JMJD1C: variants seen among roughly 807,000 people sequenced by gnomAD.
JMJD1C encodes jumonji domain containing 1C, also known as jumonji domain-containing protein 1C.
JMJD1C carries 31 observed loss-of-function variants against 245.3 expected under a neutral mutation model. That is an observed-to-expected ratio of 0.13 (90% CI 0.09 to 0.17). The LOEUF is 0.17. Ranked by LOEUF, JMJD1C falls within the 10% of genes least tolerant of loss-of-function variation. The pLI is 1.00. For synonymous variants in JMJD1C, 1,057 were observed against 1,017.4 expected, an observed-to-expected ratio of 1.04 and a Z score of -0.74; for missense variants, 2,691 against 3,000.2, an observed-to-expected ratio of 0.90 and a Z score of 2.41.
chr10:63,342,497 T>C (rs1266707179), intron 2 of JMJD1C, among the ~76,000 whole-genome samples: 1 of 152,230 alleles, frequency 6.6e-6, no homozygotes, highest in African/African-American at 2.4e-5. Context: ...CCTCAAATGC[T>C]TCTAAGCTTT....
intron 1 of JMJD1C, among the ~76,000 whole-genome samples, chr10:63,476,700 G>C (rs1005719606): frequency 6.6e-6 from 1 of 152,156 alleles, no homozygotes; most frequent in African/African-American, 2.4e-5. Context: ...CTGCACTCCA[G>C]CCTGGATGAC....
chr10:63,498,445 T>C (rs1391804654), intron 1 of JMJD1C, among the ~76,000 whole-genome samples: 1 of 152,180 alleles, frequency 6.6e-6, no homozygotes, highest in African/African-American at 2.4e-5. Context: ...ATTTTCCACT[T>C]CCAAAACATG....
At chr10:63,226,774 C>A (rs1407714805) in intron 3 of JMJD1C, among the ~76,000 whole-genome samples, 1 of 136,454 alleles carries the variant, frequency 7.3e-6, no homozygotes, top group Admixed American at 7.3e-5. Context: ...AGGCTGAAAT[C>A]AGGCCGGGTG....
intron 10 of JMJD1C, among the ~76,000 whole-genome samples, chr10:63,202,070 T>C (rs1013697857): frequency 6.6e-6 from 1 of 151,298 alleles, no homozygotes; most frequent in African/African-American, 2.4e-5. Context: ...GTCTGGCCAA[T>C]AGGTGAAACC....
At chr10:63,191,485 G>A (rs1253291641) in intron 16 of JMJD1C, among the ~76,000 whole-genome samples, 2 of 152,030 alleles carry the variant, frequency 1.3e-5, no homozygotes, top group Non-Finnish European at 2.9e-5. Flanking sequence ...GACAAAACTG[G>A]CCCCAGCATT....
rs571006929 is a variant in JMJD1C at position 63,352,952 on chromosome 10, T to C, written c.333+27366A>G. Among the ~76,000 whole-genome samples the C allele has an allele frequency of 2.6e-5, 4 of 152,244 alleles. No homozygotes were observed. In the South Asian group the frequency reaches 6.2e-4, roughly 24 times the overall value. ...AGAATGCTATTCGGAGTTCCACTAA[T>C]GGAGGAATGGTATTGTTCACAACAC... On this transcript the variant is annotated intron_variant, in intron 2 of 25. Coordinates refer to ENST00000399262, the MANE Select transcript of JMJD1C (RefSeq NM_032776.3).
intron 2 of JMJD1C, among the ~76,000 whole-genome samples, chr10:63,339,018 T>C (rs921144807): frequency 1.3e-5 from 2 of 152,322 alleles, no homozygotes; most frequent in East Asian, 3.9e-4. Context: ...GATGTGAGAA[T>C]GAGCAAATAT....
intron 22 of JMJD1C, 146 bp from the exon 23 acceptor site, chr10:63,178,002 A>G (rs1843014361): frequency 6.6e-6 from 5 of 754,148 alleles, no homozygotes; most frequent in South Asian, 1.9e-5. Context: ...GTGCAGTGGC[A>G]TGATCTTGGC....
intron 1 of JMJD1C, chr10:63,521,660 AGGCCTG>A: frequency 9.2e-7 from 1 of 1,082,430 alleles, no homozygotes; most frequent in Non-Finnish European, 1.2e-6. Context: ...AGGAAAGGGA[AGGCCTG>A]GGCCTGGGCG....
intron 2 of JMJD1C, among the ~76,000 whole-genome samples, chr10:63,299,762 C>A (rs1305900599): frequency 1.3e-5 from 2 of 152,038 alleles, no homozygotes; most frequent in Non-Finnish European, 2.9e-5. Context: ...AGAAACTCTA[C>A]AAGAATGCCC....
At chr10:63,427,745 A>C in intron 1 of JMJD1C, 1 of 1,372,474 alleles carries the variant, frequency 7.3e-7, no homozygotes, top group Non-Finnish European at 1.0e-6. Flanking sequence ...GGTCTTGCCC[A>C]GTTCAAAAGC....
At chr10:63,330,196 C>G (rs574438023) in intron 2 of JMJD1C, among the ~76,000 whole-genome samples, 1 of 152,202 alleles carries the variant, frequency 6.6e-6, no homozygotes, top group Non-Finnish European at 1.5e-5. Context: ...GCCACCACAC[C>G]CGGCCCTAAG....
chr10:63,445,693 T>C (rs773025901), intron 1 of JMJD1C, among the ~76,000 whole-genome samples: 44 of 152,040 alleles, frequency 2.9e-4, no homozygotes, highest in Non-Finnish European at 5.4e-4. Context: ...TAGACTTTTA[T>C]GGGTAAGAAC....
At chr10:63,398,754 A>C (rs1366678738) in intron 1 of JMJD1C, among the ~76,000 whole-genome samples, 4 of 151,828 alleles carry the variant, frequency 2.6e-5, no homozygotes, top group Non-Finnish European at 5.9e-5. Flanking sequence ...AGCGATTCTC[A>C]TGCCTCAGCC....
intron 1 of JMJD1C, among the ~76,000 whole-genome samples, chr10:63,461,133 G>A (rs1011488668): frequency 1.3e-5 from 2 of 151,980 alleles, no homozygotes; most frequent in African/African-American, 4.8e-5. Flanking sequence ...CCACCATTGG[G>A]GCAATTTCGT....
intron 2 of JMJD1C, among the ~76,000 whole-genome samples, chr10:63,363,248 A>G (rs928788408): frequency 1.4e-5 from 2 of 146,144 alleles, no homozygotes; most frequent in African/African-American, 5.1e-5. Context: ...CTCTTCATAC[A>G]ATTCTTTTTT....
intron 7 of JMJD1C, 52 bp downstream of exon 7, chr10:63,215,211 G>GT (rs2133229612): frequency 6.5e-7 from 1 of 1,529,150 alleles, no homozygotes; most frequent in South Asian, 1.2e-5. Context: ...ATTTTAAAAT[G>GT]TATTTTTGTT....
At chr10:63,425,612 T>C (rs940560229) in intron 1 of JMJD1C, among the ~76,000 whole-genome samples, 4 of 151,816 alleles carry the variant, frequency 2.6e-5, no homozygotes, top group Admixed American at 2.0e-4. Flanking sequence ...CGAGATCCCA[T>C]CTCTACAAAA....
At chr10:63,403,345 C>A (rs1948974964) in intron 1 of JMJD1C, among the ~76,000 whole-genome samples, 1 of 152,174 alleles carries the variant, frequency 6.6e-6, no homozygotes, top group Non-Finnish European at 1.5e-5. Flanking sequence ...TTTCTAAAAT[C>A]TAATAAAGGT....
Sources: gnomAD v4.1 joint callset for allele counts (sites outside exome capture counted in the v4.1 genomes callset) on GRCh38, gnomAD v4.1.1 for gene constraint, MANE v1.5 for transcripts, NCBI Gene and HGNC (gene_info 2026-07-23, HGNC 2026-07-21) for gene names.